HID1: variants seen among roughly 807,000 people sequenced by gnomAD.
HID1 encodes the protein HID1 domain containing.
Under a neutral mutation model 89.7 loss-of-function variants are expected in HID1, and 42 were observed. The ratio of observed to expected loss-of-function variants is 0.47; its 90% CI spans 0.37 to 0.61. The LOEUF (loss-of-function observed/expected upper bound fraction) is 0.61. HID1 is among the 20% of genes least tolerant of loss of function. The pLI is 0.00. For synonymous variants in HID1, 442 were observed against 433.8 expected, an observed-to-expected ratio of 1.02 and a Z score of -0.24; for missense variants, 854 against 1,039.3, an observed-to-expected ratio of 0.82 and a Z score of 2.45.
At chr17:74,952,151 T>C (rs2031507288) in intron 17 of HID1, 88 bp from the exon 18 acceptor site, 1 of 1,520,850 alleles carries the variant, frequency 6.6e-7, no homozygotes, top group South Asian at 1.2e-5. Flanking sequence ...ATGTTTCCCA[T>C]CACACGCCTA....
At chr17:74,957,876 G>A (rs987920852) in intron 12 of HID1, 3 of 444,594 alleles carry the variant, frequency 6.7e-6, no homozygotes, top group African/African-American at 4.0e-5. Context: ...CTCCAGCCTG[G>A]GCGACAAGAC....
At position 74,962,271 on chromosome 17, in the gene HID1, G is replaced by A. The variant is rs147489114; in HGVS notation, c.574C>T (p.His192Tyr). 4.4e-3 allele frequency: 7,038 copies of A among 1,611,710 alleles called. 89 individuals carry two copies. In the African/African-American group the frequency reaches 0.045, roughly 10 times the overall value. The change falls in exon 5 of 19, where the codon CAC becomes TAC. Residue 192 changes from histidine to tyrosine, a missense_variant. Transcript: ENST00000425042. This position sits in a 1 kb window ranked among gnomAD's most constrained non-coding sequence, Gnocchi z 4.3. ...YIWEAGVGFA[H>Y]SPQPNYIHDM... ...TGGATGTAGTTAGGCTGGGGGGAGT[G>A]AGCGAAGCCCACACCAGCCTCCCAG...
Position 74,953,074 on chromosome 17 carries a change from C to T in HID1, c.1984G>A (p.Ala662Thr). 3 of 1,606,208 alleles carry T rather than the reference C, an allele frequency of 1.9e-6. No individual in the cohort carries two copies. Among genetic ancestry groups the T allele is most frequent in the Non-Finnish European group, 2.5e-6 (3 of 1,177,390 alleles). Residue 662 changes from alanine to threonine, a missense_variant, in exon 16 of 19, where the codon GCA (alanine) becomes ACA (threonine). Ala to Thr is a moderately conservative substitution (Grantham distance 58, BLOSUM62 0). Transcript: ENST00000425042. ...GSPAKGEPSQ[A>T]WREQRRPSTS... ...GACGGTCGCCGCTGCTCCCTCCATG[C>T]CTGGCTGGGCTCCTGGCCCCCAGAA...
Position 74,960,112 on chromosome 17 carries a change from T to C in HID1, c.865A>G (p.Ile289Val), listed in dbSNP as rs1598624860. Residue 289 changes from isoleucine (I) to valine (V), a missense_variant, in exon 7 of 19, where the codon ATT becomes GTT. Coordinates refer to ENST00000425042, the MANE Select transcript of HID1 (RefSeq NM_030630.3). The part of the protein sequence containing the change: ...PLVEEAAQVL[I>V]VTLDHDSASS... The stretch of plus-strand genomic sequence containing the variant: ...GCACTGTCGTGGTCCAAAGTGACAA[T>C]GAGCACCTGGGCAGCCTCCTCCACC... 1 of 1,613,946 alleles carries C rather than the reference T, an allele frequency of 6.2e-7. No individual in the cohort carries two copies. The highest frequency in any genetic ancestry group is 1.3e-5 in the African/African-American group (1 of 75,032).
chr17:74,958,810 C>T lies in HID1; in HGVS notation c.1150-47G>A, dbSNP rs1238762440. 1 of 1,599,756 alleles carries T rather than the reference C, an allele frequency of 6.3e-7. No individual in the cohort carries two copies. Reference sequence around the variant, plus strand: ...AAGTGGGCTGAGTTCAAGGGAGGGGCAGCTCTGCCCCACCCCCCTCAGTCT... The same window carrying T: ...AAGTGGGCTGAGTTCAAGGGAGGGGTAGCTCTGCCCCACCCCCCTCAGTCT... On this transcript the variant is annotated intron_variant, in intron 9 of 18. Coordinates refer to ENST00000425042, the MANE Select transcript of HID1 (RefSeq NM_030630.3). The surrounding 1 kb of genome is among the most constrained non-coding windows in gnomAD (Gnocchi z 5.2).
Position 74,958,509 on chromosome 17 carries a change from G to A in HID1, c.1241-31C>T, listed in dbSNP as rs1228717951. The A allele has an allele frequency of 7.6e-6, 12 of 1,573,474 alleles. No individual in the cohort carries two copies. Among genetic ancestry groups the A allele is most frequent in the African/African-American group, 1.3e-5 (1 of 74,110 alleles). On this transcript the variant is annotated intron_variant, in intron 10 of 18. Transcript: ENST00000425042. This position sits in a 1 kb window ranked among gnomAD's most constrained non-coding sequence, Gnocchi z 5.2. ...GCAGGTGGCGTGGGAGGGGTCACTC[G>A]GGTGGGAGGGGGAAGGAGGGGCCCA...
At position 74,972,675 on chromosome 17, in the gene HID1, G is replaced by C; in HGVS notation, c.-19C>G. The stretch of plus-strand genomic sequence containing the variant: ...ACCCCATGTCTCTGGAGCCCGCTCC[G>C]GCCCGGCCCCCGCCCAGACTCCAAC... On this transcript the variant is annotated 5_prime_UTR_variant, in exon 1 of 19. Coordinates refer to ENST00000425042, the MANE Select transcript of HID1 (RefSeq NM_030630.3). The surrounding 1 kb of genome is among the most constrained non-coding windows in gnomAD (Gnocchi z 6.4). 26 of 1,534,238 alleles carry C rather than the reference G, an allele frequency of 1.7e-5. No homozygotes were observed. Among genetic ancestry groups the C allele is most frequent in the Middle Eastern group, 1.8e-4 (1 of 5,692 alleles).
chr17:74,955,123 C>T (rs113132940), intron 13 of HID1, among the ~76,000 whole-genome samples: 1,852 of 152,292 alleles, frequency 0.012, 46 homozygotes, highest in African/African-American at 0.042. Flanking sequence ...GGTCAAGTGA[C>T]GTGCCCTGGT....
At chr17:74,951,674 T>C (rs1442408560) in intron 18 of HID1, 41 bp from the exon 19 acceptor site, 1 of 1,584,204 alleles carries the variant, frequency 6.3e-7, no homozygotes, top group East Asian at 2.3e-5. Context: ...CTGGGGCACC[T>C]TGCAGACAAG....
intron 1 of HID1, among the ~76,000 whole-genome samples, chr17:74,971,699 T>TTCAAAA (rs2039650434): frequency 3.9e-5 from 6 of 152,098 alleles, no homozygotes; most frequent in Non-Finnish European, 7.4e-5. Context: ...GTGGCCACGG[T>TTCAAAA]GGCCTGATTC....
chr17:74,953,910 C>A (rs1218330881), intron 14 of HID1, among the ~76,000 whole-genome samples: 1 of 151,946 alleles, frequency 6.6e-6, no homozygotes, highest in Non-Finnish European at 1.5e-5. Flanking sequence ...ATCCCTGTGC[C>A]CATCCCTCCA....
intron 2 of HID1, 148 bp from the exon 3 acceptor site, chr17:74,964,058 G>C: frequency 1.3e-6 from 1 of 765,616 alleles, no homozygotes; most frequent in Non-Finnish European, 2.1e-6. Context: ...ACAGGCAGAG[G>C]AGCCACCTGG....
rs773700309 is a variant in HID1 at position 74,958,689 on chromosome 17, A to G, written c.1224T>C (p.Asp408=). 3.9e-5 allele frequency: 37 copies of G among 959,758 alleles called. No individual in the cohort carries two copies. Among genetic ancestry groups the G allele is most frequent in the Non-Finnish European group, 5.3e-5 (35 of 661,638 alleles). 59.5% of individuals were successfully genotyped at this position (959,758 alleles called of 1,614,324 possible). ...ILVPILFFLN[D]ARADQSRVGL... ...TGGTCTTACACTGATCGGCCCGGGCATCGTTGAGGAAGAAGAGGATGGGGA... is the reference window on the plus strand; with the variant it reads ...TGGTCTTACACTGATCGGCCCGGGCGTCGTTGAGGAAGAAGAGGATGGGGA... The change falls in exon 10 of 19, where the codon GAT becomes GAC. Residue 408 remains aspartate, a synonymous_variant. Transcript: ENST00000425042. The surrounding 1 kb of genome is among the most constrained non-coding windows in gnomAD (Gnocchi z 5.2).
chr17:74,962,138 G>A lies in HID1; in HGVS notation c.611+96C>T, dbSNP rs974518036. 1.4e-5 allele frequency: 17 copies of A among 1,188,208 alleles called. No individual in the cohort carries two copies. The highest frequency in any genetic ancestry group is 1.8e-5 in the Non-Finnish European group (15 of 834,988). 73.6% of individuals were successfully genotyped at this position (1,188,208 alleles called of 1,614,324 possible). ...TCAAGGTCGGGTCATAGGTGAGGAC[G>A]GTCTTCTGGGAAGACCCCATGGGCT... On this transcript the variant is annotated intron_variant, in intron 5 of 18. Coordinates refer to ENST00000425042, the MANE Select transcript of HID1 (RefSeq NM_030630.3). The surrounding 1 kb of genome is among the most constrained non-coding windows in gnomAD (Gnocchi z 4.3).
chr17:74,954,515 G>A, intron 13 of HID1, 150 bp from the exon 14 acceptor site: 2 of 1,390,212 alleles, frequency 1.4e-6, no homozygotes, highest in Admixed American at 2.1e-5. Flanking sequence ...AAGAGAGGGT[G>A]CTGGGGCAGG....
chr17:74,954,072 C>G (rs1014069909), intron 14 of HID1, 66 bp downstream of exon 14: 1 of 1,439,502 alleles, frequency 6.9e-7, no homozygotes, highest in East Asian at 2.4e-5. Flanking sequence ...GGTGACACCC[C>G]GAGACCATGT....
rs2039433254 is a variant in HID1 at position 74,958,727 on chromosome 17, G to C, written c.1186C>G (p.Leu396Val). Residue 396 changes from leucine (L) to valine (V), a missense_variant, in exon 10 of 19, where the codon CTA (leucine) becomes GTA (valine). Physicochemically the swap from Leu to Val is conservative, Grantham distance 32 (BLOSUM62 1). Transcript: ENST00000425042. This position sits in a 1 kb window ranked among gnomAD's most constrained non-coding sequence, Gnocchi z 5.2. Reference sequence around the variant, plus strand: ...AAGAGGATGGGGACAAGGATGTCTAGGACGTCGCTGCTCTTCAGCACGAAG... The same window carrying C: ...AAGAGGATGGGGACAAGGATGTCTACGACGTCGCTGCTCTTCAGCACGAAG... ...LFFVLKSSDV[L>V]DILVPILFFL... 1.2e-6 allele frequency: 2 copies of C among 1,611,790 alleles called. No individual in the cohort carries two copies. The highest frequency in any genetic ancestry group is 1.7e-6 in the Non-Finnish European group (2 of 1,179,512).
Position 74,955,880 on chromosome 17 carries a change from G to C in HID1, c.1548C>G (p.Thr516=), listed in dbSNP as rs764765944. The change falls in exon 13 of 19, where the codon ACC becomes ACG. Residue 516 remains threonine (T), a synonymous_variant. Transcript: ENST00000425042. ...TCTGGGCGGCAGAGAAGAGGAACCA[G>C]GTGGTGGAGAAGGCCTCCAGCAGGT... is the stretch of plus-strand genomic sequence containing the variant. ...LLHLLEAFST[T]WFLFSAAQNH... The C allele has an allele frequency of 1.6e-5, 26 of 1,614,070 alleles. No homozygotes were observed. The African/African-American group carries it at 3.1e-4, about 19-fold the overall frequency.
rs1228711677 is a variant in HID1 at position 74,957,934 on chromosome 17, T to C, written c.1471+207A>G. On this transcript the variant is annotated intron_variant, in intron 12 of 18. Coordinates refer to ENST00000425042, the MANE Select transcript of HID1 (RefSeq NM_030630.3). The stretch of plus-strand genomic sequence containing the variant: ...AATATCTCATTAGTAATTTTCATAT[T>C]GGCTACATGTTGAGATGATGATAGA... 8.6e-6 allele frequency: 5 copies of C among 582,492 alleles called. No homozygotes were observed. In the Admixed American group the frequency reaches 1.2e-4, roughly 14 times the overall value. The allele number at this position is 582,492 out of a possible 1,614,324, so 36.1% of individuals were successfully genotyped here. A position where few individuals can be genotyped will look rare whatever the true frequency, so the allele number is the denominator to read the frequency against.
Sources: gnomAD v4.1 joint callset for allele counts (sites outside exome capture counted in the v4.1 genomes callset) on GRCh38, gnomAD v4.1.1 for gene constraint, Gnocchi (gnomAD v3.1) non-coding constraint, MANE v1.5 for transcripts, NCBI Gene and HGNC (gene_info 2026-07-23, HGNC 2026-07-21) for gene names.